STT3A: variants seen among roughly 807,000 people sequenced by gnomAD.
STT3A encodes STT3 oligosaccharyltransferase complex catalytic subunit A, also known as dolichyl-diphosphooligosaccharide--protein glycosyltransferase subunit STT3A.
Under a neutral mutation model 89.2 loss-of-function variants are expected in STT3A, and 34 were observed. The observed-to-expected ratio is 0.38, with a 90% CI of 0.29 to 0.51. The LOEUF is 0.51. Among genes scored for constraint, STT3A ranks in the 20% least tolerant of loss-of-function variants. The probability of loss-of-function intolerance (pLI) is 0.89; values close to 1 mark genes in which losing one functional copy is unlikely to be tolerated. For synonymous variants in STT3A, 282 were observed against 310.3 expected, an observed-to-expected ratio of 0.91 and a Z score of 0.96; for missense variants, 555 against 889.5, an observed-to-expected ratio of 0.62 and a Z score of 4.78.
intron 9 of STT3A, 84 bp from the exon 10 acceptor site, chr11:125,609,350 T>C: frequency 2.0e-6 from 3 of 1,464,992 alleles, no homozygotes; most frequent in Non-Finnish European, 2.7e-6. Flanking sequence ...GAGAATCTTA[T>C]TAAAATGGGA....
Position 125,622,365 on chromosome 11 carries a change from G to T in STT3A, c.*1555G>T, listed in dbSNP as rs994251880. Reference sequence around the variant, plus strand: ...AAGTACATTACTTGATTTCTATAAAGAATCTTTAGTGGAAGAGGTTATTCT... The same window carrying T: ...AAGTACATTACTTGATTTCTATAAATAATCTTTAGTGGAAGAGGTTATTCT... On this transcript the variant is annotated 3_prime_UTR_variant, in exon 18 of 18. Coordinates refer to ENST00000392708, the MANE Select transcript of STT3A (RefSeq NM_152713.5). 1 of 152,262 alleles carries T rather than the reference G, an allele frequency of 6.6e-6. No homozygotes were observed. The highest frequency in any genetic ancestry group is 2.4e-5 in the African/African-American group (1 of 41,560). 9.4% of individuals were successfully genotyped at this position (152,262 alleles called of 1,614,324 possible).
At chr11:125,592,672 A>C (rs932183072), upstream of STT3A, 1 of 361,646 alleles carries the variant, frequency 2.8e-6, no homozygotes, top group Non-Finnish European at 5.5e-6. Flanking sequence ...GAGCATACAG[A>C]CCTGCCTCTA....
At chr11:125,616,487 G>A (rs1940185820) in intron 15 of STT3A, among the ~76,000 whole-genome samples, 2 of 152,284 alleles carry the variant, frequency 1.3e-5, no homozygotes, top group South Asian at 4.1e-4. Context: ...AAGGCCAACT[G>A]TTTTGGTTAA....
At position 125,611,465 on chromosome 11, in the gene STT3A, C is replaced by T; in HGVS notation, c.1155C>T (p.Ala385=). 6.2e-7 allele frequency: 1 copy of T among 1,613,934 alleles called. No homozygotes were observed. The highest frequency in any genetic ancestry group is 8.5e-7 in the Non-Finnish European group (1 of 1,179,934). The change falls in exon 11 of 18, where the codon GCC becomes GCT. Residue 385 remains alanine (A), a synonymous_variant. Coordinates refer to ENST00000392708, the MANE Select transcript of STT3A (RefSeq NM_152713.5). The stretch of plus-strand genomic sequence containing the variant: ...ACTGCTTTAGCAACCTGTCTGATGC[C>T]CGGATTTTTATCATCATGTATGGTG... ...LYYCFSNLSD[A]RIFIIMYGVT...
rs201699206 is a variant in STT3A at position 125,606,375 on chromosome 11, C to G, written c.690C>G (p.Gly230=). 1.7e-5 allele frequency: 28 copies of G among 1,614,182 alleles called. No homozygotes were observed. In the African/African-American group the frequency reaches 3.7e-4, roughly 22 times the overall value. ...PLHVLVLMLT[G]RFSHRIYVAY... is the part of the protein sequence containing the mutation. ...ACGTCCTCGTGCTGATGCTCACAGGCCGTTTCTCTCACCGGATCTATGTGG... is the reference window on the plus strand; with the variant it reads ...ACGTCCTCGTGCTGATGCTCACAGGGCGTTTCTCTCACCGGATCTATGTGG... Residue 230 remains glycine, a synonymous_variant, in exon 8 of 18, where the codon GGC becomes GGG. Transcript: ENST00000392708.
chr11:125,597,808 A>G (rs1225083642), intron 3 of STT3A, among the ~76,000 whole-genome samples: 2 of 152,232 alleles, frequency 1.3e-5, no homozygotes, highest in Non-Finnish European at 1.5e-5. Context: ...AGTGGTATTA[A>G]TAACTAGTAT....
At chr11:125,609,383 ATGTT>A (rs759231851) in intron 9 of STT3A, 47 bp from the exon 10 acceptor site, 102 of 1,511,008 alleles carry the variant, frequency 6.8e-5, no homozygotes, top group Non-Finnish European at 8.6e-5. Context: ...TTTGGATCAG[ATGTT>A]TGTTTGAAGA....
rs748290617 is a variant in STT3A at position 125,611,470 on chromosome 11, T to G, written c.1160T>G (p.Ile387Ser). ...YCFSNLSDAR[I>S]FIIMYGVTSM... is the part of the protein sequence containing the mutation. The stretch of plus-strand genomic sequence containing the variant: ...TTTAGCAACCTGTCTGATGCCCGGA[T>G]TTTTATCATCATGTATGGTGTGACC... Residue 387 changes from isoleucine to serine, a missense_variant, in exon 11 of 18, where the codon ATT (isoleucine) becomes AGT (serine). Ile to Ser is a moderately radical substitution (Grantham distance 142). Around this residue, in one of 5 missense-constraint regions of STT3A, gnomAD observed 273 missense variants for 449.8 expected, o/e 0.61. Coordinates refer to ENST00000392708, the MANE Select transcript of STT3A (RefSeq NM_152713.5). 6.2e-7 allele frequency: 1 copy of G among 1,614,046 alleles called. No individual in the cohort carries two copies. The highest frequency in any genetic ancestry group is 8.5e-7 in the Non-Finnish European group (1 of 1,179,938).
At chr11:125,618,318 C>T in intron 15 of STT3A, 55 bp from the exon 16 acceptor site, 1 of 1,505,196 alleles carries the variant, frequency 6.6e-7, no homozygotes, top group Non-Finnish European at 8.9e-7. Context: ...TACTAACCTG[C>T]TTTAACTCCA....
chr11:125,618,694 G>T, intron 16 of STT3A, 133 bp downstream of exon 16: 1 of 787,900 alleles, frequency 1.3e-6, no homozygotes, highest in Non-Finnish European at 1.9e-6. Flanking sequence ...CAACCCCAAA[G>T]GCATATACTG....
chr11:125,605,397 G>A (rs142963744), intron 6 of STT3A, among the ~76,000 whole-genome samples: 198 of 152,194 alleles, frequency 1.3e-3, no homozygotes, highest in African/African-American at 4.5e-3. Flanking sequence ...TATATGCTAG[G>A]TACTCTTCTA....
At chr11:125,600,838 G>A (rs573770308) in intron 3 of STT3A, among the ~76,000 whole-genome samples, 2 of 152,236 alleles carry the variant, frequency 1.3e-5, no homozygotes, top group South Asian at 2.1e-4. Flanking sequence ...CCAGTCTGGA[G>A]CACAGTGTTG....
chr11:125,607,244 G>A (rs1939867327), intron 8 of STT3A, among the ~76,000 whole-genome samples: 1 of 152,180 alleles, frequency 6.6e-6, no homozygotes, highest in Admixed American at 6.5e-5. Context: ...CATGTTTAAG[G>A]TAGTCTACGC....
At position 125,597,140 on chromosome 11, in the gene STT3A, T is replaced by A. The variant is rs376957358; in HGVS notation, c.149+21T>A. 1.1e-5 allele frequency: 18 copies of A among 1,613,540 alleles called. No homozygotes were observed. The African/African-American group carries it at 2.3e-4, about 20-fold the overall frequency. On this transcript the variant is annotated intron_variant, in intron 3 of 17. Transcript: ENST00000392708. Reference sequence around the variant, plus strand: ...GATCCGTGAGTACCTTTGCTTGATCTGGTATTATTTCCTTTGGGAGGCATT... The same window carrying A: ...GATCCGTGAGTACCTTTGCTTGATCAGGTATTATTTCCTTTGGGAGGCATT...
At position 125,622,901 on chromosome 11, in the gene STT3A, A is replaced by C. The variant is rs1940388041; in HGVS notation, c.*2091A>C. The C allele has an allele frequency of 6.6e-6, 1 of 151,894 alleles. No homozygotes were observed. The highest frequency in any genetic ancestry group is 2.4e-5 in the African/African-American group (1 of 41,286). The allele number at this position is 151,894 out of a possible 1,614,324, so 9.4% of individuals were successfully genotyped here. A position where few individuals can be genotyped will look rare whatever the true frequency, so the allele number is the denominator to read the frequency against. On this transcript the variant is annotated 3_prime_UTR_variant, in exon 18 of 18. Coordinates refer to ENST00000392708, the MANE Select transcript of STT3A (RefSeq NM_152713.5). ...GAGACCGGCCTGGCAACGTGGGAAA[A>C]CTCTGTCTCTACTAAAAATACAAAA...
At chr11:125,610,279 G>A (rs1467915933) in intron 10 of STT3A, among the ~76,000 whole-genome samples, 1 of 152,020 alleles carries the variant, frequency 6.6e-6, no homozygotes, top group Non-Finnish European at 1.5e-5. Flanking sequence ...TGCCCAGGCT[G>A]GTCTTGAACT....
intron 10 of STT3A, 181 bp from the exon 11 acceptor site, chr11:125,611,247 A>C (rs987553775): frequency 8.0e-6 from 4 of 498,752 alleles, no homozygotes; most frequent in East Asian, 3.3e-5. Context: ...TTGCTACTTT[A>C]AAGTGTGCTG....
At chr11:125,608,312 T>C in intron 9 of STT3A, 23 bp downstream of exon 9, 3 of 1,565,542 alleles carry the variant, frequency 1.9e-6, no homozygotes, top group Non-Finnish European at 2.6e-6. Context: ...CACAGCTTTT[T>C]TCCTTTTTTC....
At chr11:125,594,904 A>G (rs957480040) in intron 1 of STT3A, 5 of 152,192 alleles carry the variant, frequency 3.3e-5, no homozygotes, top group African/African-American at 1.2e-4. Flanking sequence ...GGAAGCGGGT[A>G]TAGATCTGAG....
Sources: allele counts gnomAD v4.1 joint callset (sites outside exome capture counted in the v4.1 genomes callset), GRCh38; gene constraint gnomAD v4.1.1; regional missense constraint gnomAD v4.1.1; transcripts MANE v1.5; gene names NCBI Gene and HGNC (gene_info 2026-07-23, HGNC 2026-07-21).